MLIP: variants seen among roughly 807,000 people sequenced by gnomAD.
MLIP encodes muscular LMNA-interacting protein.
In MLIP, 79 loss-of-function variants were observed where a neutral mutation model predicts 84.8. That is an observed-to-expected ratio of 0.93 (90% CI 0.78 to 1.12). MLIP has a LOEUF of 1.12. MLIP is among the 50% of genes most tolerant of loss of function. The pLI, the probability that MLIP is intolerant of heterozygous loss-of-function variation, is 0.00. For synonymous variants in MLIP, 504 were observed against 463.0 expected, an observed-to-expected ratio of 1.09 and a Z score of -1.14; for missense variants, 1,257 against 1,160.6, an observed-to-expected ratio of 1.08 and a Z score of -1.21.
chr6:54,145,748 C>A (rs1248679039), intron 4 of MLIP, among the ~76,000 whole-genome samples: 1 of 151,770 alleles, frequency 6.6e-6, no homozygotes, highest in Non-Finnish European at 1.5e-5. Context: ...GGCTCTCCAG[C>A]CTAGGCAACA....
At chr6:54,090,540 C>T (rs536459995) in intron 1 of MLIP, among the ~76,000 whole-genome samples, 4 of 152,094 alleles carry the variant, frequency 2.6e-5, no homozygotes, top group Non-Finnish European at 5.9e-5. Flanking sequence ...TCAAGACAGT[C>T]ATTTTGACTC....
intron 13 of MLIP, chr6:54,261,834 C>G (rs921762539): frequency 3.4e-5 from 23 of 670,078 alleles, no homozygotes; most frequent in Non-Finnish European, 4.2e-5. Context: ...AGGCAATTTT[C>G]CAAAACATTA....
At chr6:54,207,006 C>A (rs568967710) in intron 11 of MLIP, among the ~76,000 whole-genome samples, 30 of 152,164 alleles carry the variant, frequency 2.0e-4, no homozygotes, top group African/African-American at 5.3e-4. Context: ...TTAAATGAAC[C>A]TTTTTAGGTG....
intron 1 of MLIP, among the ~76,000 whole-genome samples, chr6:54,092,081 C>G (rs1037468450): frequency 6.6e-6 from 1 of 151,986 alleles, no homozygotes; most frequent in Non-Finnish European, 1.5e-5. Flanking sequence ...ATTAAATATC[C>G]AAGAGAGAGG....
intron 11 of MLIP, among the ~76,000 whole-genome samples, chr6:54,226,771 A>AT (rs1172292085): frequency 2.0e-5 from 3 of 152,230 alleles, no homozygotes; most frequent in Non-Finnish European, 4.4e-5. Flanking sequence ...TACTAAAAAA[A>AT]TAAAAAGAAT....
chr6:54,075,263 A>AG, intron 1 of MLIP, among the ~76,000 whole-genome samples: 1 of 151,782 alleles, frequency 6.6e-6, no homozygotes, highest in Non-Finnish European at 1.5e-5. Context: ...AAAAAAAAAA[A>AG]AAAAAATCCT....
chr6:54,075,140 G>A (rs771818913), intron 1 of MLIP, among the ~76,000 whole-genome samples: 3 of 151,650 alleles, frequency 2.0e-5, no homozygotes, highest in South Asian at 4.2e-4. Context: ...CCAGCTACTC[G>A]GGAGGATGAG....
At chr6:54,143,288 G>T (rs1005295482) in intron 4 of MLIP, among the ~76,000 whole-genome samples, 4 of 150,952 alleles carry the variant, frequency 2.6e-5, no homozygotes, top group African/African-American at 9.8e-5. Flanking sequence ...CGCAATCTCG[G>T]CTCACTGCAA....
intron 1 of MLIP, among the ~76,000 whole-genome samples, chr6:54,057,461 TTAA>T (rs1765726328): frequency 6.6e-6 from 1 of 152,206 alleles, no homozygotes; most frequent in Non-Finnish European, 1.5e-5. Context: ...TCTGTAAGGG[TTAA>T]TAAACTTATA....
chr6:54,176,262 T>A (rs1402268229), intron 9 of MLIP, among the ~76,000 whole-genome samples: 4 of 151,996 alleles, frequency 2.6e-5, no homozygotes, highest in Admixed American at 2.6e-4. Flanking sequence ...ATTTGTAGTA[T>A]TCCCTTCTCC....
chr6:54,058,447 C>G (rs1225540916), intron 1 of MLIP, among the ~76,000 whole-genome samples: 2 of 152,186 alleles, frequency 1.3e-5, no homozygotes, highest in Non-Finnish European at 2.9e-5. Context: ...AGGGTTGCAT[C>G]TGTCTGGAGA....
intron 1 of MLIP, chr6:54,043,437 C>T (rs1315789550): frequency 6.6e-6 from 1 of 152,198 alleles, no homozygotes; most frequent in African/African-American, 2.4e-5. Context: ...GCTAACACAG[C>T]ATGTCATCTA....
chr6:54,155,593 G>A (rs1773938550), intron 5 of MLIP, among the ~76,000 whole-genome samples: 1 of 152,028 alleles, frequency 6.6e-6, no homozygotes, highest in Non-Finnish European at 1.5e-5. Context: ...TATATTTTAA[G>A]GGAGCAAATT....
At chr6:54,045,411 A>T (rs1764988928) in intron 1 of MLIP, 1 of 151,940 alleles carries the variant, frequency 6.6e-6, no homozygotes, top group Non-Finnish European at 1.5e-5. Flanking sequence ...TGAAAGTTTT[A>T]CCCTTCTCAA....
intron 1 of MLIP, among the ~76,000 whole-genome samples, chr6:54,038,105 A>G (rs1190980280): frequency 6.6e-6 from 1 of 151,866 alleles, no homozygotes; most frequent in African/African-American, 2.4e-5. Context: ...GTACCCATAA[A>G]AAGATCCTGA....
chr6:54,063,869 T>C (rs1232156343), intron 1 of MLIP, among the ~76,000 whole-genome samples: 4 of 152,164 alleles, frequency 2.6e-5, no homozygotes, highest in African/African-American at 9.7e-5. Flanking sequence ...CATGTTGAAG[T>C]TAATTGGCAC....
intron 10 of MLIP, among the ~76,000 whole-genome samples, chr6:54,200,115 A>G (rs759963873): frequency 6.6e-6 from 1 of 152,162 alleles, no homozygotes; most frequent in African/African-American, 2.4e-5. Flanking sequence ...AATGTATCTG[A>G]TATCCAACCA....
intron 1 of MLIP, among the ~76,000 whole-genome samples, chr6:54,030,317 A>G (rs1331802297): frequency 2.6e-5 from 4 of 152,202 alleles, no homozygotes; most frequent in Non-Finnish European, 4.4e-5. Flanking sequence ...ATAGAGGTAA[A>G]AATAAATGCT....
chr6:54,026,658 G>A (rs533351741), intron 1 of MLIP, among the ~76,000 whole-genome samples: 1 of 152,160 alleles, frequency 6.6e-6, no homozygotes, highest in Non-Finnish European at 1.5e-5. Flanking sequence ...AAGCGAGTGT[G>A]TACAGGTGTT....
Sources: allele counts gnomAD v4.1 joint callset (sites outside exome capture counted in the v4.1 genomes callset), GRCh38; gene constraint gnomAD v4.1.1; transcripts MANE v1.5; gene names NCBI Gene and HGNC (gene_info 2026-07-23, HGNC 2026-07-21).